CAMTA1: variants seen among roughly 807,000 people sequenced by gnomAD.
The protein encoded by CAMTA1 is calmodulin-binding transcription activator 1.
Under a neutral mutation model 170.9 loss-of-function variants are expected in CAMTA1, and 27 were observed. That is an observed-to-expected ratio of 0.16 (90% confidence interval 0.12 to 0.22). CAMTA1 has a LOEUF of 0.22. CAMTA1 is among the 10% of genes least tolerant of loss of function. The pLI, the probability that CAMTA1 is intolerant of heterozygous loss-of-function variation, is 1.00. For synonymous variants in CAMTA1, 833 were observed against 891.5 expected (o/e 0.93, Z 1.17); for missense variants, 1,619 against 2,217.2 (o/e 0.73, Z 5.42).
At chr1:7,344,190 G>T (rs945327109) in intron 5 of CAMTA1, among the ~76,000 whole-genome samples, 1 of 152,240 alleles carries the variant, frequency 6.6e-6, no homozygotes, top group African/African-American at 2.4e-5. Context: ...CTTGGAGCCG[G>T]CCTGAAGGGG....
rs1303189576 is a variant in CAMTA1, at chr1:7,534,377, G to A, written c.510+66476G>A. On this transcript the variant is annotated intron_variant, in intron 6 of 22. Transcript: ENST00000303635. The surrounding 1 kb of genome is among the most constrained non-coding windows in gnomAD (Gnocchi z 5.6). ...GAATTAAATCTTCCTGACACCCCGG[G>A]GCCACACGGGGAGAGCTTGCTGCAG... 6.6e-6 allele frequency among the ~76,000 whole-genome samples: 1 copy of A among 152,184 alleles called. No individual in the cohort carries two copies. Among genetic ancestry groups the A allele is most frequent in the African/African-American group, 2.4e-5 (1 of 41,452 alleles).
At chr1:6,856,118 G>T (rs912003416) in intron 3 of CAMTA1, among the ~76,000 whole-genome samples, 1 of 152,118 alleles carries the variant, frequency 6.6e-6, no homozygotes, top group Non-Finnish European at 1.5e-5. Context: ...GCCTGCTGTT[G>T]TGTGCTGTAG....
At chr1:6,940,911 C>G (rs56857446) in intron 3 of CAMTA1, among the ~76,000 whole-genome samples, 3 of 78 alleles carry the variant, frequency 0.038, no homozygotes, top group Non-Finnish European at 0.068. Context: ...TGCTCACAGG[C>G]AGGGGATCCT....
chr1:7,363,336 A>G (rs1160339909), intron 5 of CAMTA1, among the ~76,000 whole-genome samples: 1 of 152,086 alleles, frequency 6.6e-6, no homozygotes, highest in Non-Finnish European at 1.5e-5. Flanking sequence ...TAACACCTTT[A>G]AGAGGGCTCT....
intron 11 of CAMTA1, among the ~76,000 whole-genome samples, chr1:7,696,499 T>TG (rs1233302602): frequency 2.6e-5 from 4 of 151,636 alleles, no homozygotes; most frequent in East Asian, 1.9e-4. Context: ...CAGCCAGTTT[T>TG]TTTTTTTTTT....
intron 5 of CAMTA1, among the ~76,000 whole-genome samples, chr1:7,457,543 G>A (rs1217006547): frequency 1.3e-5 from 2 of 152,080 alleles, no homozygotes; most frequent in African/African-American, 4.8e-5. Flanking sequence ...GTGTCCCCGG[G>A]CCAGGCTGCA....
chr1:7,513,932 T>TAC (rs962707333), intron 6 of CAMTA1, among the ~76,000 whole-genome samples: 24 of 75,824 alleles, frequency 3.2e-4, no homozygotes, highest in African/African-American at 7.7e-4. Flanking sequence ...CAAAAACACA[T>TAC]ACACACACAC....
intron 5 of CAMTA1, among the ~76,000 whole-genome samples, chr1:7,411,953 C>T (rs1392303110): frequency 6.8e-6 from 1 of 147,716 alleles, no homozygotes; most frequent in Admixed American, 6.8e-5. Flanking sequence ...GTTCCCCTTC[C>T]TGTGTCCATG....
chr1:7,687,378 A>T (rs1008232627), intron 11 of CAMTA1, among the ~76,000 whole-genome samples: 1 of 152,164 alleles, frequency 6.6e-6, no homozygotes, highest in African/African-American at 2.4e-5. Flanking sequence ...AGAGCCCTCC[A>T]AGCAGGGGGA....
At chr1:7,239,635 A>ATTT (rs34166595) in intron 4 of CAMTA1, among the ~76,000 whole-genome samples, 3 of 103,946 alleles carry the variant, frequency 2.9e-5, no homozygotes, top group Non-Finnish European at 5.6e-5. Context: ...TTCAAGGTCA[A>ATTT]TTTTTTTTTT....
intron 3 of CAMTA1, among the ~76,000 whole-genome samples, chr1:6,959,666 G>GC: frequency 6.6e-6 from 1 of 152,322 alleles, no homozygotes; most frequent in East Asian, 1.9e-4. Flanking sequence ...ATAGTAGGTA[G>GC]CCAAGCGTGG....
At chr1:7,033,346 T>G (rs1703071510) in intron 3 of CAMTA1, among the ~76,000 whole-genome samples, 1 of 152,148 alleles carries the variant, frequency 6.6e-6, no homozygotes, top group South Asian at 2.1e-4. Context: ...TCACTGCAGT[T>G]TGCATCTTTA....
rs1362166251 is a variant in CAMTA1, at chr1:7,300,958, C to T, written c.438+51332C>T. Among the ~76,000 whole-genome samples, 2 of 152,176 alleles carry T rather than the reference C, an allele frequency of 1.3e-5. No individual in the cohort carries two copies. Among genetic ancestry groups the T allele is most frequent in the Admixed American group, 1.3e-4 (2 of 15,286 alleles). ...TAAATTGCATATCATAGATGAGATA[C>T]AACACACACATTGGATTCTAGCAGC... On this transcript the variant is annotated intron_variant, in intron 5 of 22. Transcript: ENST00000303635. The surrounding 1 kb of genome is among the most constrained non-coding windows in gnomAD (Gnocchi z 4.1).
chr1:7,009,610 C>A (rs373680694), intron 3 of CAMTA1, among the ~76,000 whole-genome samples: 2 of 152,354 alleles, frequency 1.3e-5, no homozygotes, highest in South Asian at 4.1e-4. Flanking sequence ...CATCACACTG[C>A]GGCATCACGG....
chr1:7,127,630 C>T (rs1195933418), intron 4 of CAMTA1, among the ~76,000 whole-genome samples: 7 of 152,156 alleles, frequency 4.6e-5, no homozygotes, highest in African/African-American at 1.4e-4. Flanking sequence ...AAACTGACTC[C>T]GTGCCAAGCA....
chr1:7,068,343 A>G (rs1709225174), intron 3 of CAMTA1, among the ~76,000 whole-genome samples: 1 of 151,720 alleles, frequency 6.6e-6, no homozygotes, highest in South Asian at 2.1e-4. Flanking sequence ...CACAGCACTG[A>G]GCTTAATATC....
intron 4 of CAMTA1, among the ~76,000 whole-genome samples, chr1:7,096,301 T>C (rs1642067379): frequency 6.6e-6 from 1 of 152,102 alleles, no homozygotes; most frequent in Admixed American, 6.5e-5. Flanking sequence ...AATGCCCAGA[T>C]CTTTCCCCGC....
chr1:7,412,306 T>C (rs376778752), intron 5 of CAMTA1, among the ~76,000 whole-genome samples: 2 of 151,934 alleles, frequency 1.3e-5, no homozygotes, highest in African/African-American at 4.8e-5. Flanking sequence ...ATGGTATTTC[T>C]AGTTCTAGAT....
intron 5 of CAMTA1, among the ~76,000 whole-genome samples, chr1:7,323,507 C>CTTTTTTTTTTTTTTTTTTTTTTTTT (rs56382342): frequency 9.2e-6 from 1 of 108,998 alleles, no homozygotes; most frequent in Admixed American, 1.2e-4. Flanking sequence ...CTTTATTCTT[C>CTTTTTTTTTTTTTTTTTTTTTTTTT]TTTTTTTTTT....
Sources: allele counts gnomAD v4.1 joint callset (sites outside exome capture counted in the v4.1 genomes callset), GRCh38; gene constraint gnomAD v4.1.1; non-coding constraint Gnocchi (gnomAD v3.1); transcripts MANE v1.5; gene names NCBI Gene and HGNC (gene_info 2026-07-23, HGNC 2026-07-21).